SRCAP: variants seen among roughly 807,000 people sequenced by gnomAD.
SRCAP encodes Snf2 related CREBBP activator protein.
A neutral mutation model predicts 263.1 loss-of-function variants in SRCAP; 46 were observed. The observed-to-expected ratio is 0.17, with a 90% CI of 0.14 to 0.22. SRCAP has a LOEUF of 0.22. SRCAP is among the 10% of genes least tolerant of loss of function. SRCAP has a pLI of 1.00. For missense variants in SRCAP, 3,695 were observed against 4,181.9 expected (o/e 0.88, Z 3.21); for synonymous variants, 1,813 against 1,662.1 (o/e 1.09, Z -2.21).
intron 4 of SRCAP, among the ~76,000 whole-genome samples, chr16:30,706,682 T>C (rs888128351): frequency 2.6e-5 from 4 of 152,178 alleles, no homozygotes; most frequent in African/African-American, 9.7e-5. Context: ...GTGTGTCAGT[T>C]GGGCATTATA....
At chr16:30,699,713 C>T (rs930583123) in intron 1 of SRCAP, among the ~76,000 whole-genome samples, 195 bp from the exon 2 acceptor site, 4 of 151,966 alleles carry the variant, frequency 2.6e-5, no homozygotes, top group African/African-American at 9.7e-5. Flanking sequence ...TTTCTTTCTT[C>T]ACTCCTTTCC....
rs886781123 is a variant in SRCAP, at chr16:30,733,775, G to A, written c.6471G>A (p.Gln2157=). Residue 2157 remains glutamine, a synonymous_variant, in exon 29 of 34, where the codon CAG becomes CAA. Transcript: ENST00000262518. The surrounding 1 kb of genome is among the most constrained non-coding windows in gnomAD (Gnocchi z 5.3). ...AGGACCGCTGTCACCGAATTGGCCA[G>A]ACCCGGGATGTCCACATATATAGGT... ...QAQDRCHRIG[Q]TRDVHIYRLI... 1 of 1,613,772 alleles carries A rather than the reference G, an allele frequency of 6.2e-7. No individual in the cohort carries two copies. The highest frequency in any genetic ancestry group is 8.5e-7 in the Non-Finnish European group (1 of 1,179,890).
At chr16:30,725,961 G>C (rs2053060480) in intron 25 of SRCAP, 1 of 151,976 alleles carries the variant, frequency 6.6e-6, no homozygotes, top group Non-Finnish European at 1.5e-5. Context: ...TATTTATAGG[G>C]TTGTACAATC....
At position 30,704,260 on chromosome 16, in the gene SRCAP, A is replaced by G. The variant is rs2052801810; in HGVS notation, c.251A>G (p.Asn84Ser). The change falls in exon 4 of 34, where the codon AAC becomes AGC. Residue 84 changes from asparagine (N) to serine (S), a missense_variant. By Grantham distance (46) the Asn-to-Ser change is conservative. Transcript: ENST00000262518. Reference sequence around the variant, plus strand: ...TTATCCCAGGCTGCTGACCTGGCTAACAAGGGCCCGAAGTGGGAGAAGAGC... The same window carrying G: ...TTATCCCAGGCTGCTGACCTGGCTAGCAAGGGCCCGAAGTGGGAGAAGAGC... ...FSLSQAADLANKGPKWEKSHA... is the reference protein window; with the variant it reads ...FSLSQAADLASKGPKWEKSHA... The G allele has an allele frequency of 1.2e-6, 2 of 1,614,026 alleles. No homozygotes were observed. Among genetic ancestry groups the G allele is most frequent in the South Asian group, 1.1e-5 (1 of 91,078 alleles).
Position 30,737,733 on chromosome 16 carries a change from G to A in SRCAP, c.7693G>A (p.Glu2565Lys). Residue 2565 changes from glutamate (E) to lysine (K), a missense_variant, in exon 34 of 34, where the codon GAG becomes AAG. Physicochemically the swap from Glu to Lys is moderately conservative, Grantham distance 56 (BLOSUM62 1). Coordinates refer to ENST00000262518, the MANE Select transcript of SRCAP (RefSeq NM_006662.3). Reference sequence around the variant, plus strand: ...GGCATTGGCATCTCCAGAGTCCCTGGAGCTGGCTTCTGTGGCCAGTTCAGA... The same window carrying A: ...GGCATTGGCATCTCCAGAGTCCCTGAAGCTGGCTTCTGTGGCCAGTTCAGA... ...AQALASPESL[E>K]LASVASSETS... The A allele has an allele frequency of 6.2e-7, 1 of 1,614,226 alleles. No individual in the cohort carries two copies. The highest frequency in any genetic ancestry group is 8.5e-7 in the Non-Finnish European group (1 of 1,180,054).
chr16:30,703,625 G>C (rs1260710249), intron 3 of SRCAP, among the ~76,000 whole-genome samples: 1 of 151,956 alleles, frequency 6.6e-6, no homozygotes, highest in Non-Finnish European at 1.5e-5. Flanking sequence ...GGCCGGGCGT[G>C]GTGGCTCACG....
chr16:30,719,301 C>T (rs1396554712), intron 18 of SRCAP, among the ~76,000 whole-genome samples: 3 of 151,724 alleles, frequency 2.0e-5, no homozygotes, highest in Admixed American at 6.6e-5. Context: ...CTGCAAGCTC[C>T]GCCCCTCCAG....
At chr16:30,713,075 C>G in intron 14 of SRCAP, 133 bp from the exon 15 acceptor site, 1 of 1,080,100 alleles carries the variant, frequency 9.3e-7, no homozygotes, top group South Asian at 1.5e-5. Context: ...CTCTTTCTGT[C>G]GCTCCATTCT....
At chr16:30,729,711 G>A in intron 27 of SRCAP, 139 bp downstream of exon 27, 1 of 922,306 alleles carries the variant, frequency 1.1e-6, no homozygotes, top group Admixed American at 2.7e-5. Flanking sequence ...TTATGCTTAT[G>A]GGCAAGATAG....
Position 30,722,646 on chromosome 16 carries a change from G to A in SRCAP, c.3790G>A (p.Ala1264Thr), listed in dbSNP as rs1175221885. 1.9e-6 allele frequency: 3 copies of A among 1,613,968 alleles called. No homozygotes were observed. Among genetic ancestry groups the A allele is most frequent in the Middle Eastern group, 1.6e-4 (1 of 6,062 alleles). ...PAHVALIQAV[A>T]PTPGPTPVSV... ...CCATGTGGCCCTCATCCAGGCCGTG[G>A]CCCCGACCCCTGGCCCTACCCCTGT... The change falls in exon 23 of 34, where the codon GCC becomes ACC. Residue 1264 changes from alanine (A) to threonine (T), a missense_variant. Physicochemically the swap from Ala to Thr is moderately conservative, Grantham distance 58. Coordinates refer to ENST00000262518, the MANE Select transcript of SRCAP (RefSeq NM_006662.3).
rs751271887 is a variant in SRCAP, at chr16:30,709,632, C to T, written c.753C>T (p.Leu251=). The change falls in exon 7 of 34, where the codon CTC becomes CTT. Residue 251 remains leucine, a synonymous_variant. Coordinates refer to ENST00000262518, the MANE Select transcript of SRCAP (RefSeq NM_006662.3). ...EKYSDLLSQS[L]NQPLTSSKAG... ...ACTCGGACCTTCTGTCTCAGAGCCT[C>T]AACCAGCCATTAACCTCCAGCAAAG... is the stretch of plus-strand genomic sequence containing the variant. 3.1e-6 allele frequency: 5 copies of T among 1,614,194 alleles called. No homozygotes were observed. The highest frequency in any genetic ancestry group is 1.1e-5 in the South Asian group (1 of 91,088).
intron 27 of SRCAP, 55 bp downstream of exon 27, chr16:30,729,627 A>T (rs1444263144): frequency 2.5e-6 from 4 of 1,593,724 alleles, no homozygotes; most frequent in Non-Finnish European, 2.6e-6. Flanking sequence ...CTTAGTATTA[A>T]GACTGTTGTA....
chr16:30,724,298 C>T lies in SRCAP; in HGVS notation c.4874C>T (p.Ser1625Leu). ...SPGAAPVLAS[S>L]QTPVPVMAPS... ...GGTGCTGCTCCTGTCCTGGCTTCATCACAGACTCCGGTTCCAGTTATGGCT... is the reference window on the plus strand; with the variant it reads ...GGTGCTGCTCCTGTCCTGGCTTCATTACAGACTCCGGTTCCAGTTATGGCT... Residue 1625 changes from serine (S) to leucine (L), a missense_variant, in exon 25 of 34, where the codon TCA becomes TTA. By Grantham distance (145) the Ser-to-Leu change is moderately radical (BLOSUM62 -2). Around this residue, in one of 12 missense-constraint regions of SRCAP, gnomAD observed 1,347 missense variants for 1,304.4 expected, o/e 1.03. Transcript: ENST00000262518. The T allele has an allele frequency of 6.2e-7, 1 of 1,614,180 alleles. No individual in the cohort carries two copies.
At chr16:30,715,113 C>G (rs7501240) in intron 16 of SRCAP, among the ~76,000 whole-genome samples, 2 of 152,222 alleles carry the variant, frequency 1.3e-5, no homozygotes, top group African/African-American at 4.8e-5. Context: ...CCTTGACTTT[C>G]TAGATCACTT....
chr16:30,707,393 T>A (rs984232125), intron 5 of SRCAP, 25 bp downstream of exon 5: 3 of 1,611,100 alleles, frequency 1.9e-6, no homozygotes, highest in Admixed American at 1.7e-5. Flanking sequence ...GGGACTTCCT[T>A]CCTTTTCCTT....
Position 30,737,210 on chromosome 16 carries a change from G to T in SRCAP, c.7170G>T (p.Arg2390Ser). ...GTAAAAAGGCCAAAGCCCCTGAGAG[G>T]CCGGGGACTCGTGTCAGTGAGCGTC... The part of the protein sequence containing the change: ...RRSKKAKAPE[R>S]PGTRVSERLR... Residue 2390 changes from arginine (R) to serine (S), a missense_variant, in exon 34 of 34, where the codon AGG becomes AGT. Physicochemically the swap from Arg to Ser is moderately radical, Grantham distance 110. Coordinates refer to ENST00000262518, the MANE Select transcript of SRCAP (RefSeq NM_006662.3). The T allele has an allele frequency of 6.2e-7, 1 of 1,614,064 alleles. No homozygotes were observed. The highest frequency in any genetic ancestry group is 1.1e-5 in the South Asian group (1 of 91,080).
chr16:30,737,010 T>C, intron 33 of SRCAP, 39 bp from the exon 34 acceptor site: 1 of 1,539,508 alleles, frequency 6.5e-7, no homozygotes, highest in Non-Finnish European at 8.7e-7. Flanking sequence ...TCTACTCTGC[T>C]TGCCTCCTCC....
chr16:30,704,035 A>G (rs776920211), intron 3 of SRCAP, 29 bp from the exon 4 acceptor site: 7 of 1,595,222 alleles, frequency 4.4e-6, no homozygotes. Context: ...CGAAGCATTT[A>G]TTTTCTCCAT....
In SRCAP at chr16:30,700,763, G is replaced by A. The variant is rs1413394188; in HGVS notation, c.-62G>A. 1.2e-5 allele frequency: 18 copies of A among 1,512,576 alleles called. No individual in the cohort carries two copies. The highest frequency in any genetic ancestry group is 3.4e-5 in the Admixed American group (2 of 59,012). 93.7% of individuals were successfully genotyped at this position (1,512,576 alleles called of 1,614,324 possible). On this transcript the variant is annotated 5_prime_UTR_variant, in exon 3 of 34. Transcript: ENST00000262518. ...CCGGACGCCAGCCCCTCGGCCAGCA[G>A]TACTGGTGATAACAACCCAGTCATT...
Sources: gnomAD v4.1 joint callset for allele counts (sites outside exome capture counted in the v4.1 genomes callset) on GRCh38, gnomAD v4.1.1 for gene constraint, gnomAD v4.1.1 regional missense constraint, Gnocchi (gnomAD v3.1) non-coding constraint, MANE v1.5 for transcripts, NCBI Gene and HGNC (gene_info 2026-07-23, HGNC 2026-07-21) for gene names.